The following NKAIN3 variants were observed in gnomAD, a reference collection of about 807,000 sequenced individuals.
The protein encoded by NKAIN3 is sodium/potassium transporting ATPase interacting 3.
NKAIN3 carries 25 observed loss-of-function variants against 30.2 expected under a neutral mutation model. The observed-to-expected ratio is 0.83, with a 90% confidence interval of 0.60 to 1.16. The LOEUF is 1.16. NKAIN3 is among the 50% of genes most tolerant of loss of function. The probability of loss-of-function intolerance (pLI) is 0.00; values close to 1 mark genes in which losing one functional copy is unlikely to be tolerated. For synonymous variants in NKAIN3, 91 were observed against 89.6 expected, an observed-to-expected ratio of 1.02 and a Z score of -0.09; for missense variants, 225 against 254.1, an observed-to-expected ratio of 0.89 and a Z score of 0.78.
intron 1 of NKAIN3, among the ~76,000 whole-genome samples, chr8:62,565,365 C>CGTGTGTGT (rs3059061): frequency 6.7e-6 from 1 of 149,746 alleles, no homozygotes; most frequent in African/African-American, 2.4e-5. Flanking sequence ...TACGTGTGTG[C>CGTGTGTGT]GTGTGTGTGT....
chr8:62,633,279 C>T (rs1397443889), intron 3 of NKAIN3, among the ~76,000 whole-genome samples: 2 of 152,168 alleles, frequency 1.3e-5, no homozygotes, highest in African/African-American at 2.4e-5. Flanking sequence ...GATTCACCCT[C>T]ACCTTATTTT....
intron 4 of NKAIN3, among the ~76,000 whole-genome samples, chr8:62,801,009 G>C (rs1400629470): frequency 6.6e-6 from 1 of 152,166 alleles, no homozygotes; most frequent in Admixed American, 6.5e-5. Flanking sequence ...GAGTCTCACT[G>C]ATTGCTAGCA....
intron 4 of NKAIN3, among the ~76,000 whole-genome samples, chr8:62,801,506 C>A (rs1333662525): frequency 2.6e-5 from 4 of 152,230 alleles, no homozygotes; most frequent in Admixed American, 1.3e-4. Flanking sequence ...CCCAGGCAAA[C>A]AGGGTCTGGA....
At chr8:62,653,109 C>A (rs957566532) in intron 3 of NKAIN3, among the ~76,000 whole-genome samples, 1 of 152,148 alleles carries the variant, frequency 6.6e-6, no homozygotes, top group Non-Finnish European at 1.5e-5. Context: ...CTAGATTAGT[C>A]AGCTCAGGCT....
At chr8:62,491,968 T>A (rs1049213532) in intron 1 of NKAIN3, among the ~76,000 whole-genome samples, 4 of 151,976 alleles carry the variant, frequency 2.6e-5, no homozygotes, top group African/African-American at 7.2e-5. Context: ...AGAGGATAAG[T>A]CAAGAAAAAT....
intron 3 of NKAIN3, among the ~76,000 whole-genome samples, chr8:62,660,255 C>T (rs886285751): frequency 3.3e-5 from 5 of 152,110 alleles, no homozygotes; most frequent in African/African-American, 1.2e-4. Context: ...TTCTTCTTCC[C>T]ATTAGAGGAA....
intron 3 of NKAIN3, among the ~76,000 whole-genome samples, chr8:62,609,758 G>A (rs1016708885): frequency 6.6e-5 from 10 of 152,062 alleles, no homozygotes; most frequent in African/African-American, 2.2e-4. Context: ...CAAATATGGG[G>A]GAATGCCAAG....
intron 1 of NKAIN3, among the ~76,000 whole-genome samples, chr8:62,511,808 C>T (rs1204711827): frequency 6.6e-6 from 1 of 152,178 alleles, no homozygotes; most frequent in Non-Finnish European, 1.5e-5. Flanking sequence ...ACTCCTCTAT[C>T]TGATTGCAGC....
At chr8:62,350,252 G>T (rs1034016029) in intron 1 of NKAIN3, among the ~76,000 whole-genome samples, 1 of 151,998 alleles carries the variant, frequency 6.6e-6, no homozygotes, top group Non-Finnish European at 1.5e-5. Context: ...AACAAAATGT[G>T]GTACACACCT....
chr8:62,565,336 G>T (rs2129994771), intron 1 of NKAIN3, among the ~76,000 whole-genome samples: 1 of 150,342 alleles, frequency 6.7e-6, no homozygotes, highest in East Asian at 2.0e-4. Context: ...ATATGTATGT[G>T]CATATGTATA....
intron 3 of NKAIN3, among the ~76,000 whole-genome samples, chr8:62,698,173 A>C (rs2130460705): frequency 6.6e-6 from 1 of 152,356 alleles, no homozygotes; most frequent in Non-Finnish European, 1.5e-5. Flanking sequence ...ATAAGTTCCC[A>C]CTATTTACAA....
chr8:62,913,835 A>G (rs1357077909), intron 4 of NKAIN3, among the ~76,000 whole-genome samples: 1 of 152,248 alleles, frequency 6.6e-6, no homozygotes, highest in Non-Finnish European at 1.5e-5. Context: ...GAAATTGTCA[A>G]GAAAACTGTT....
chr8:62,515,511 G>A (rs1585894881), intron 1 of NKAIN3, among the ~76,000 whole-genome samples: 1 of 152,112 alleles, frequency 6.6e-6, no homozygotes, highest in African/African-American at 2.4e-5. Context: ...GGGGATACAT[G>A]TGCAGTCTAC....
chr8:62,852,647 T>G (rs1261368739), intron 4 of NKAIN3, among the ~76,000 whole-genome samples: 1 of 152,202 alleles, frequency 6.6e-6, no homozygotes, highest in Non-Finnish European at 1.5e-5. Context: ...GATTCTGGTA[T>G]GTTGTGTCTT....
At chr8:62,414,321 G>A (rs1400809404) in intron 1 of NKAIN3, among the ~76,000 whole-genome samples, 6 of 152,100 alleles carry the variant, frequency 3.9e-5, no homozygotes, top group Non-Finnish European at 4.4e-5. Context: ...TATAAATGAA[G>A]CAAATACAAT....
At chr8:62,746,842 C>A in intron 3 of NKAIN3, 90 bp from the exon 4 acceptor site, 1 of 874,090 alleles carries the variant, frequency 1.1e-6, no homozygotes, top group Non-Finnish European at 1.8e-6. Context: ...GTAGCAATTT[C>A]ATCTACCCTG....
intron 4 of NKAIN3, among the ~76,000 whole-genome samples, chr8:62,894,383 A>G (rs2130828723): frequency 6.6e-6 from 1 of 152,246 alleles, no homozygotes; most frequent in Non-Finnish European, 1.5e-5. Flanking sequence ...TTTTTCTTGA[A>G]CACTCGAGGA....
intron 3 of NKAIN3, among the ~76,000 whole-genome samples, chr8:62,679,904 G>T (rs967514140): frequency 6.6e-6 from 1 of 152,108 alleles, no homozygotes; most frequent in African/African-American, 2.4e-5. Context: ...AAATAACTTC[G>T]CAGGTATAAT....
chr8:62,956,275 T>A (rs1349493336), intron 6 of NKAIN3, among the ~76,000 whole-genome samples: 1 of 152,178 alleles, frequency 6.6e-6, no homozygotes, highest in East Asian at 1.9e-4. Flanking sequence ...GGGGAATGAA[T>A]GCTGGCTTTG....
Sources: allele counts gnomAD v4.1 joint callset (sites outside exome capture counted in the v4.1 genomes callset), GRCh38; gene constraint gnomAD v4.1.1; transcripts MANE v1.5; gene names NCBI Gene and HGNC (gene_info 2026-07-23, HGNC 2026-07-21).